TMIGD1: variants seen among roughly 807,000 people sequenced by gnomAD.
TMIGD1 encodes transmembrane and immunoglobulin domain-containing protein 1.
TMIGD1 carries 29 observed loss-of-function variants against 27.5 expected under a neutral mutation model. The observed-to-expected ratio is 1.05, with a 90% CI of 0.78 to 1.44. The LOEUF is 1.44. TMIGD1 is among the 40% of genes most tolerant of loss of function. The pLI is 0.00. For synonymous variants in TMIGD1, 109 were observed against 110.3 expected (o/e 0.99, Z 0.07); for missense variants, 334 against 310.6 (o/e 1.08, Z -0.57).
chr17:30,333,697 T>C (rs1285888589), intron 1 of TMIGD1, among the ~76,000 whole-genome samples: 1 of 152,198 alleles, frequency 6.6e-6, no homozygotes, highest in Non-Finnish European at 1.5e-5. Flanking sequence ...TAATATTGAT[T>C]CTTTTGTAAT....
At chr17:30,329,926 A>T (rs888177627) in intron 2 of TMIGD1, among the ~76,000 whole-genome samples, 1 of 151,478 alleles carries the variant, frequency 6.6e-6, no homozygotes, top group African/African-American at 2.4e-5. Context: ...AAAAAATAAA[A>T]AAAAAAACAT....
intron 4 of TMIGD1, among the ~76,000 whole-genome samples, chr17:30,320,841 C>G (rs920584751): frequency 6.6e-6 from 1 of 152,136 alleles, no homozygotes; most frequent in East Asian, 1.9e-4. Context: ...GCTCTCTACC[C>G]TAGGCAACAT....
intron 3 of TMIGD1, among the ~76,000 whole-genome samples, chr17:30,328,117 C>A (rs1355637045): frequency 6.6e-6 from 1 of 151,778 alleles, no homozygotes; most frequent in Non-Finnish European, 1.5e-5. Flanking sequence ...TCATTGCAAC[C>A]TCTGCTTCTT....
In TMIGD1 at chr17:30,319,261, A is replaced by AAAAAAAAAAAAAAATATATATATAT; in HGVS notation, c.641-349_641-348insATATATATATATTTTTTTTTTTTTT. 2.9e-3 allele frequency among the ~76,000 whole-genome samples: 201 copies of AAAAAAAAAAAAAAATATATATATAT among 68,776 alleles called. 1 individual carries two copies. The highest frequency in any genetic ancestry group is 7.1e-3 in the Middle Eastern group (1 of 140). 45.1% of individuals were successfully genotyped at this position (68,776 alleles called of 152,430 possible). A position where few individuals can be genotyped will look rare whatever the true frequency, so the allele number is the denominator to read the frequency against. On this transcript the variant is annotated intron_variant, in intron 4 of 6. Transcript: ENST00000328886. ...TGTAAAAAAAAAAGAAAAAAAAAAA[A>AAAAAAAAAAAAAAATATATATATAT]ATATATATATATATATAGCTGGGCA...
At chr17:30,317,723 G>T (rs959545254) in intron 5 of TMIGD1, among the ~76,000 whole-genome samples, 2 of 151,216 alleles carry the variant, frequency 1.3e-5, no homozygotes, top group Non-Finnish European at 2.9e-5. Context: ...TCACGCCACT[G>T]CACTCCAGCC....
intron 3 of TMIGD1, 78 bp from the exon 4 acceptor site, chr17:30,325,172 C>T: frequency 6.9e-7 from 1 of 1,451,076 alleles, no homozygotes; most frequent in South Asian, 1.3e-5. Flanking sequence ...TTCCTTCAAT[C>T]TATCTCATGT....
At chr17:30,318,778 T>G in intron 5 of TMIGD1, 32 bp downstream of exon 5, 1 of 1,524,172 alleles carries the variant, frequency 6.6e-7, no homozygotes, top group Non-Finnish European at 9.1e-7. Context: ...GATGATGGCT[T>G]TTTACTTAAA....
chr17:30,332,940 A>T (rs1246700163), intron 1 of TMIGD1, among the ~76,000 whole-genome samples: 1 of 152,094 alleles, frequency 6.6e-6, no homozygotes. Context: ...AGTCACAATT[A>T]AGCCTCCTAA....
chr17:30,330,588 T>C (rs922334363), intron 2 of TMIGD1, among the ~76,000 whole-genome samples: 1 of 152,224 alleles, frequency 6.6e-6, no homozygotes, highest in Non-Finnish European at 1.5e-5. Flanking sequence ...CTTGCATCTA[T>C]AATGTTTTAA....
chr17:30,317,035 C>T, intron 6 of TMIGD1, 158 bp downstream of exon 6: 1 of 841,398 alleles, frequency 1.2e-6, no homozygotes, highest in South Asian at 1.5e-5. Flanking sequence ...AACCTGTCTT[C>T]CTCTAAAGTG....
At chr17:30,333,183 C>T (rs1910037254) in intron 1 of TMIGD1, among the ~76,000 whole-genome samples, 1 of 150,692 alleles carries the variant, frequency 6.6e-6, no homozygotes, top group Non-Finnish European at 1.5e-5. Context: ...AATCCCAGCA[C>T]TTTAGGAGCT....
Position 30,329,261 on chromosome 17 carries a change from C to T in TMIGD1, c.351G>A (p.Leu117=). Residue 117 remains leucine (L), a synonymous_variant, in exon 3 of 7, where the codon CTG becomes CTA. Transcript: ENST00000328886. ...RDQSVSVSVV[L]NVTFPPLLSG... ...TTTCCCCTCACTCACAAGTAACATTCAGCACCACCGAAACGGACACGGACT... is the reference window on the plus strand; with the variant it reads ...TTTCCCCTCACTCACAAGTAACATTTAGCACCACCGAAACGGACACGGACT... 6.2e-7 allele frequency: 1 copy of T among 1,613,398 alleles called. No homozygotes were observed.
At chr17:30,320,861 CT>C (rs948826123) in intron 4 of TMIGD1, among the ~76,000 whole-genome samples, 1 of 151,998 alleles carries the variant, frequency 6.6e-6, no homozygotes, top group African/African-American at 2.4e-5. Flanking sequence ...TAGTGAGACC[CT>C]TTTTTTCTTT....
At chr17:30,323,055 A>G (rs568137044) in intron 4 of TMIGD1, among the ~76,000 whole-genome samples, 2 of 152,240 alleles carry the variant, frequency 1.3e-5, no homozygotes, top group African/African-American at 4.8e-5. Context: ...CACCTGTCCC[A>G]GCTATTCAGG....
At chr17:30,328,285 C>T (rs966336312) in intron 3 of TMIGD1, among the ~76,000 whole-genome samples, 2 of 152,112 alleles carry the variant, frequency 1.3e-5, no homozygotes, top group Non-Finnish European at 1.5e-5. Context: ...ATCCATTTGC[C>T]TCTGCCTCCC....
chr17:30,318,497 A>G (rs1324637708), intron 5 of TMIGD1, among the ~76,000 whole-genome samples: 3 of 152,172 alleles, frequency 2.0e-5, no homozygotes, highest in Admixed American at 2.0e-4. Flanking sequence ...TATTTATTAT[A>G]CCACAGGTAT....
chr17:30,320,308 T>A (rs1909576688), intron 4 of TMIGD1, among the ~76,000 whole-genome samples: 1 of 152,062 alleles, frequency 6.6e-6, no homozygotes. Flanking sequence ...AGTGCTTGGA[T>A]TACAGGTATG....
chr17:30,334,004 T>A lies in TMIGD1; in HGVS notation c.-30A>T, dbSNP rs1403186142. 3 of 152,646 alleles carry A rather than the reference T, an allele frequency of 2.0e-5. No homozygotes were observed. Among genetic ancestry groups the A allele is most frequent in the Non-Finnish European group, 4.4e-5 (3 of 68,048 alleles). 9.5% of individuals were successfully genotyped at this position (152,646 alleles called of 1,614,324 possible). Reference sequence around the variant, plus strand: ...TAAGACAGTCTTACCACTTACCTCTTGAGCTCTGAGAAGCTGACTTCCTTG... The same window carrying A: ...TAAGACAGTCTTACCACTTACCTCTAGAGCTCTGAGAAGCTGACTTCCTTG... On this transcript the variant is annotated 5_prime_UTR_variant, in exon 1 of 7. Transcript: ENST00000328886.
At chr17:30,327,905 C>T (rs926048665) in intron 3 of TMIGD1, among the ~76,000 whole-genome samples, 1 of 152,142 alleles carries the variant, frequency 6.6e-6, no homozygotes, top group African/African-American at 2.4e-5. Flanking sequence ...TGATCATCTA[C>T]ATTGTATCAC....
Sources: gnomAD v4.1 joint callset for allele counts (sites outside exome capture counted in the v4.1 genomes callset) on GRCh38, gnomAD v4.1.1 for gene constraint, MANE v1.5 for transcripts, NCBI Gene and HGNC (gene_info 2026-07-23, HGNC 2026-07-21) for gene names.